The following IL10RB variants were observed in gnomAD, a reference collection of about 807,000 sequenced individuals.
IL10RB encodes interleukin 10 receptor subunit beta.
Under a neutral mutation model 38.7 loss-of-function variants are expected in IL10RB, and 30 were observed. That is an observed-to-expected ratio of 0.78 (90% confidence interval 0.58 to 1.05). The LOEUF (loss-of-function observed/expected upper bound fraction) is 1.05. Among genes scored for constraint, IL10RB ranks in the 50% least tolerant of loss-of-function variants. IL10RB has a pLI of 0.00. For synonymous variants in IL10RB, 142 were observed against 145.9 expected (o/e 0.97, Z 0.19); for missense variants, 328 against 397.1 (o/e 0.83, Z 1.48).
Position 33,296,453 on chromosome 21 carries a change from C to A in IL10RB, c.*96C>A. The A allele has an allele frequency of 1.7e-6, 2 of 1,160,156 alleles. No individual in the cohort carries two copies. Among genetic ancestry groups the A allele is most frequent in the Non-Finnish European group, 2.5e-6 (2 of 795,124 alleles). The allele number at this position is 1,160,156 out of a possible 1,614,324, so 71.9% of individuals were successfully genotyped here. On this transcript the variant is annotated 3_prime_UTR_variant, in exon 7 of 7. Transcript: ENST00000290200. Reference sequence around the variant, plus strand: ...TCAGGGCAGCAAACAAGGGCCAAGACCATCTGAGCCAGCCCCACATCTAGA... The same window carrying A: ...TCAGGGCAGCAAACAAGGGCCAAGAACATCTGAGCCAGCCCCACATCTAGA...
rs1474480268 is a variant in IL10RB, at chr21:33,296,646, T to C, written c.*289T>C. ...CTTTTATATCACTAAAATAAGATCA[T>C]GTTTTAATTGTGAGAAACAGGGCCG... On this transcript the variant is annotated 3_prime_UTR_variant, in exon 7 of 7. Transcript: ENST00000290200. 1.9e-6 allele frequency: 1 copy of C among 526,634 alleles called. No homozygotes were observed. The highest frequency in any genetic ancestry group is 1.9e-5 in the African/African-American group (1 of 52,664). The allele number at this position is 526,634 out of a possible 1,614,324, so 32.6% of individuals were successfully genotyped here.
At chr21:33,301,446 A>C (rs2082985761), downstream of IL10RB, among the ~76,000 whole-genome samples, 1 of 152,220 alleles carries the variant, frequency 6.6e-6, no homozygotes, top group African/African-American at 2.4e-5. Context: ...AGATAACCGG[A>C]AGGTTAAAGC....
chr21:33,302,452 GC>G (rs1339436652), intron 1 of IL10RB, among the ~76,000 whole-genome samples: 3 of 152,234 alleles, frequency 2.0e-5, no homozygotes, highest in Non-Finnish European at 2.9e-5. Flanking sequence ...TTCTCCCTCT[GC>G]CCAATCCTAC....
intron 1 of IL10RB, among the ~76,000 whole-genome samples, chr21:33,302,277 G>C (rs2082987787): frequency 6.6e-6 from 1 of 152,270 alleles, no homozygotes; most frequent in African/African-American, 2.4e-5. Flanking sequence ...CCAGGGAGCT[G>C]CCAATCAGGC....
intron 1 of IL10RB, among the ~76,000 whole-genome samples, chr21:33,303,783 C>G (rs2082991806): frequency 6.6e-6 from 1 of 152,206 alleles, no homozygotes. Flanking sequence ...GACCTACAGC[C>G]CCCGCTCTGG....
intron 6 of IL10RB, among the ~76,000 whole-genome samples, chr21:33,292,114 CCTT>C (rs1278891988): frequency 6.6e-6 from 1 of 152,186 alleles, no homozygotes; most frequent in Non-Finnish European, 1.5e-5. Context: ...TCAGGTCCAT[CCTT>C]CTTCCCAAAC....
At chr21:33,287,430 A>G (rs1392742130) in intron 5 of IL10RB, among the ~76,000 whole-genome samples, 1 of 151,980 alleles carries the variant, frequency 6.6e-6, no homozygotes, top group Non-Finnish European at 1.5e-5. Flanking sequence ...ATCATAGCTC[A>G]CTATCACAGC....
rs1988940019 is a variant in IL10RB at position 33,266,393 on chromosome 21, G to A, written c.-73G>A. On this transcript the variant is annotated 5_prime_UTR_variant, in exon 1 of 7. Coordinates refer to ENST00000290200, the MANE Select transcript of IL10RB (RefSeq NM_000628.5). The stretch of plus-strand genomic sequence containing the variant: ...TCTCCGCTGGTTCCCGGAAGCCGCC[G>A]CGGACAAGCTCTCCCGGGCGCGGGC... The A allele has an allele frequency of 1.3e-6, 2 of 1,500,930 alleles. No homozygotes were observed. The highest frequency in any genetic ancestry group is 2.5e-5 in the East Asian group (1 of 39,312). 93.0% of individuals were successfully genotyped at this position (1,500,930 alleles called of 1,614,324 possible).
chr21:33,278,923 G>T (rs1005647680), intron 3 of IL10RB, among the ~76,000 whole-genome samples: 1 of 152,188 alleles, frequency 6.6e-6, no homozygotes, highest in Non-Finnish European at 1.5e-5. Context: ...TGATTGCCTG[G>T]AACCATTTAT....
At chr21:33,299,832 G>C (rs1025259055), downstream of IL10RB, among the ~76,000 whole-genome samples, 1 of 152,218 alleles carries the variant, frequency 6.6e-6, no homozygotes, top group Non-Finnish European at 1.5e-5. Flanking sequence ...TAGATTGAAA[G>C]GACGTGCTTA....
intron 2 of IL10RB, among the ~76,000 whole-genome samples, chr21:33,272,018 CAT>C (rs1322973949): frequency 6.6e-6 from 1 of 151,908 alleles, no homozygotes; most frequent in Non-Finnish European, 1.5e-5. Flanking sequence ...AATATGGCCA[CAT>C]GTGAGAAAAC....
At chr21:33,268,918 G>A (rs891838663) in intron 2 of IL10RB, among the ~76,000 whole-genome samples, 24 of 152,148 alleles carry the variant, frequency 1.6e-4, no homozygotes, top group African/African-American at 5.6e-4. Context: ...AGTCAGCAAT[G>A]TTGAGTGGAT....
chr21:33,288,581 A>C (rs1989425326), intron 6 of IL10RB, among the ~76,000 whole-genome samples: 1 of 152,124 alleles, frequency 6.6e-6, no homozygotes. Flanking sequence ...TGATGGTTCT[A>C]GGGCAGGAGG....
At chr21:33,288,009 GCT>G in intron 5 of IL10RB, 93 bp from the exon 6 acceptor site, 1 of 1,181,450 alleles carries the variant, frequency 8.5e-7, no homozygotes, top group Non-Finnish European at 1.3e-6. Context: ...AAACGTACAG[GCT>G]CTGTTTTCAG....
chr21:33,291,909 C>T lies in IL10RB; in HGVS notation c.804+3648C>T, dbSNP rs558388870. Among the ~76,000 whole-genome samples, 398 of 152,278 alleles carry T rather than the reference C, an allele frequency of 2.6e-3. 1 individual carries two copies. Among genetic ancestry groups the T allele is most frequent in the Middle Eastern group, 6.8e-3 (2 of 294 alleles). ...GTGGGAGCCCCTTCTTTCAGGCCCA[C>T]GCGCAGCCTCCATCCCTGCCACCAC... On this transcript the variant is annotated intron_variant, in intron 6 of 6. Coordinates refer to ENST00000290200, the MANE Select transcript of IL10RB (RefSeq NM_000628.5).
At chr21:33,280,572 C>T (rs1601831928) in intron 4 of IL10RB, among the ~76,000 whole-genome samples, 1 of 152,238 alleles carries the variant, frequency 6.6e-6, no homozygotes, top group East Asian at 1.9e-4. Context: ...ATGGTCAGTA[C>T]ATCAGTACAT....
chr21:33,303,377 CAG>C lies in IL10RB; in HGVS notation c.130-5596_130-5595del, dbSNP rs1165972379. On this transcript the variant is annotated intron_variant, in intron 1 of 1. Transcript: ENST00000609556. ...TTTTTTTTTTTTTTTTTTTTTGAGACAGAGTCTTGCTCTGTTGCCCAGGCTGG... is the reference window on the plus strand; with the variant it reads ...TTTTTTTTTTTTTTTTTTTTTGAGACAGTCTTGCTCTGTTGCCCAGGCTGG... Among the ~76,000 whole-genome samples the C allele has an allele frequency of 3.4e-5, 4 of 117,066 alleles. No individual in the cohort carries two copies. The East Asian group carries it at 1.1e-3, about 32-fold the overall frequency. 76.8% of individuals were successfully genotyped at this position (117,066 alleles called of 152,430 possible). A position where few individuals can be genotyped will look rare whatever the true frequency, so the allele number is the denominator to read the frequency against.
chr21:33,308,804 G>T (rs1325601117), intron 1 of IL10RB: 1 of 152,234 alleles, frequency 6.6e-6, no homozygotes, highest in Non-Finnish European at 1.5e-5. Flanking sequence ...GGGCCTACTG[G>T]CTCAGCGACT....
At chr21:33,271,834 G>A (rs906396887) in intron 2 of IL10RB, among the ~76,000 whole-genome samples, 7 of 152,170 alleles carry the variant, frequency 4.6e-5, no homozygotes, top group African/African-American at 1.7e-4. Flanking sequence ...AAATGGGCCA[G>A]TAATCCCAGT....
Sources: gnomAD v4.1 joint callset for allele counts (sites outside exome capture counted in the v4.1 genomes callset) on GRCh38, gnomAD v4.1.1 for gene constraint, MANE v1.5 for transcripts, NCBI Gene and HGNC (gene_info 2026-07-23, HGNC 2026-07-21) for gene names.